Variants in METTL15 observed in about 807,000 individuals in gnomAD.
METTL15 encodes the protein 12S rRNA N(4)-cytidine methyltransferase METTL15.
Under a neutral mutation model 38.3 loss-of-function variants are expected in METTL15, and 34 were observed. The observed-to-expected ratio is 0.89, with a 90% confidence interval of 0.68 to 1.18. METTL15 has a LOEUF of 1.18. Among genes scored for constraint, METTL15 ranks in the 50% most tolerant of loss-of-function variants. The probability of loss-of-function intolerance (pLI) is 0.00; values close to 1 mark genes in which losing one functional copy is unlikely to be tolerated. For missense variants in METTL15, 438 were observed against 498.4 expected (o/e 0.88, Z 1.15); for synonymous variants, 162 against 170.9 (o/e 0.95, Z 0.41).
chr11:28,347,420 T>A (rs1850005431), intron 3 of METTL15, among the ~76,000 whole-genome samples: 3 of 152,212 alleles, frequency 2.0e-5, no homozygotes, highest in African/African-American at 7.2e-5. Flanking sequence ...CAGACTTACA[T>A]TACAATCTCA....
At chr11:28,123,921 A>C in intron 3 of METTL15, 3 of 1,408,676 alleles carry the variant, frequency 2.1e-6, no homozygotes, top group Non-Finnish European at 2.9e-6. Context: ...TTCCCACTTG[A>C]GGCGAGTATA....
chr11:28,203,249 G>C (rs1001603296), intron 3 of METTL15, among the ~76,000 whole-genome samples: 2 of 151,992 alleles, frequency 1.3e-5, no homozygotes, highest in Non-Finnish European at 2.9e-5. Flanking sequence ...AATCAAATTG[G>C]AATCTATAAC....
At chr11:28,405,283 A>G (rs541474924) in intron 5 of METTL15, among the ~76,000 whole-genome samples, 1 of 152,314 alleles carries the variant, frequency 6.6e-6, no homozygotes, top group East Asian at 1.9e-4. Flanking sequence ...CACTAACAGG[A>G]ATATAGATCA....
chr11:28,517,393 G>T (rs916227924), intron 6 of METTL15: 11 of 151,040 alleles, frequency 7.3e-5, no homozygotes, highest in Non-Finnish European at 1.2e-4. Context: ...TGTCCTAATT[G>T]TTACTTTCAA....
At chr11:28,238,657 G>A (rs1029195221) in intron 4 of METTL15, among the ~76,000 whole-genome samples, 1 of 152,172 alleles carries the variant, frequency 6.6e-6, no homozygotes, top group Non-Finnish European at 1.5e-5. Context: ...AGATGAACCC[G>A]GTACCTCAGA....
At chr11:28,221,265 T>C (rs545545999) in intron 4 of METTL15, among the ~76,000 whole-genome samples, 15 of 152,336 alleles carry the variant, frequency 9.8e-5, no homozygotes, top group Admixed American at 2.6e-4. Flanking sequence ...CATTTCTTTT[T>C]ATTCTTTTTT....
chr11:28,299,362 A>T (rs1273153505), intron 6 of METTL15, among the ~76,000 whole-genome samples: 4 of 151,958 alleles, frequency 2.6e-5, no homozygotes, highest in Non-Finnish European at 4.4e-5. Flanking sequence ...ATTTGATTGA[A>T]TTTTTTTTAA....
At chr11:28,430,354 G>A (rs1306247970) in intron 6 of METTL15, among the ~76,000 whole-genome samples, 1 of 6,444 alleles carries the variant, frequency 1.6e-4, no homozygotes, top group Non-Finnish European at 3.8e-4. Flanking sequence ...CCGGCCAGCC[G>A]TGCCATCCGG....
chr11:28,499,696 GAAATCAT>G (rs879548773), intron 6 of METTL15, among the ~76,000 whole-genome samples: 12 of 135,648 alleles, frequency 8.8e-5, no homozygotes, highest in Non-Finnish European at 1.3e-4. Flanking sequence ...TCAGTCTGGA[GAAATCAT>G]AAAATGATCA....
At chr11:28,475,762 G>A (rs1023069546) in intron 6 of METTL15, among the ~76,000 whole-genome samples, 7 of 152,128 alleles carry the variant, frequency 4.6e-5, no homozygotes, top group Non-Finnish European at 8.8e-5. Flanking sequence ...AACCTTAATC[G>A]TATGTTTTTC....
At chr11:28,210,132 T>C (rs1422075955) in intron 3 of METTL15, among the ~76,000 whole-genome samples, 1 of 151,958 alleles carries the variant, frequency 6.6e-6, no homozygotes, top group Non-Finnish European at 1.5e-5. Context: ...ACTATTCTCT[T>C]TAGAGTGTGG....
intron 5 of METTL15, 104 bp from the exon 6 acceptor site, chr11:28,296,649 A>C: frequency 5.9e-6 from 7 of 1,184,240 alleles, no homozygotes; most frequent in Non-Finnish European, 8.5e-6. Flanking sequence ...CACTTCTCCT[A>C]GAGTATGTGT....
intron 6 of METTL15, among the ~76,000 whole-genome samples, chr11:28,488,122 TTA>T (rs1217859407): frequency 1.2e-4 from 18 of 152,326 alleles, no homozygotes; most frequent in African/African-American, 3.8e-4. Context: ...GAAAATATGC[TTA>T]TTTAACTCAT....
intron 4 of METTL15, among the ~76,000 whole-genome samples, chr11:28,256,491 A>G (rs1854975543): frequency 6.6e-6 from 1 of 152,164 alleles, no homozygotes; most frequent in Non-Finnish European, 1.5e-5. Flanking sequence ...TTATTGGCAT[A>G]TAGTCATTCA....
intron 3 of METTL15, among the ~76,000 whole-genome samples, chr11:28,135,174 C>T (rs1356581781): frequency 6.6e-6 from 1 of 152,186 alleles, no homozygotes; most frequent in Non-Finnish European, 1.5e-5. Context: ...ATTTTTCTTT[C>T]TTCAGTCCTC....
chr11:28,225,541 G>T (rs1039219119), intron 4 of METTL15, among the ~76,000 whole-genome samples: 2 of 145,438 alleles, frequency 1.4e-5, no homozygotes, highest in African/African-American at 5.0e-5. Context: ...GGTCAACCCA[G>T]TTTTTTTTTT....
At chr11:28,422,195 CA>C (rs1290204689) in intron 5 of METTL15, among the ~76,000 whole-genome samples, 1 of 151,454 alleles carries the variant, frequency 6.6e-6, no homozygotes, top group South Asian at 2.1e-4. Context: ...GAAGGGGATA[CA>C]AAAAATGGAA....
rs1186529437 is a variant in METTL15, at chr11:28,280,070, A to G, written c.408-10136A>G. 3.3e-5 allele frequency among the ~76,000 whole-genome samples: 5 copies of G among 152,116 alleles called. No individual in the cohort carries two copies. In the East Asian group the frequency reaches 9.7e-4, roughly 29 times the overall value. Reference sequence around the variant, plus strand: ...TATTTTAATTCCACATATATATTGAACTCCCCCAAAATTATTATTTTGTAC... The same window carrying G: ...TATTTTAATTCCACATATATATTGAGCTCCCCCAAAATTATTATTTTGTAC... On this transcript the variant is annotated intron_variant, in intron 4 of 6. Transcript: ENST00000407364.
At chr11:28,440,689 A>C (rs1851026659) in intron 6 of METTL15, among the ~76,000 whole-genome samples, 1 of 152,232 alleles carries the variant, frequency 6.6e-6, no homozygotes, top group Admixed American at 6.5e-5. Context: ...ACACAACAAA[A>C]GGTTGATAAA....
Sources: allele counts gnomAD v4.1 joint callset (sites outside exome capture counted in the v4.1 genomes callset), GRCh38; gene constraint gnomAD v4.1.1; transcripts MANE v1.5; gene names NCBI Gene and HGNC (gene_info 2026-07-23, HGNC 2026-07-21).